Variants in LCOR observed in about 807,000 individuals in gnomAD.
LCOR encodes ligand-dependent corepressor.
A neutral mutation model predicts 64.4 loss-of-function variants in LCOR; 14 were observed. That is an observed-to-expected ratio of 0.22 (90% CI 0.14 to 0.34). LCOR has a LOEUF of 0.34. Ranked by LOEUF, LCOR falls within the 10% of genes least tolerant of loss-of-function variation. The probability of loss-of-function intolerance (pLI) is 1.00; values close to 1 mark genes in which losing one functional copy is unlikely to be tolerated. For synonymous variants in LCOR, 643 were observed against 642.5 expected (o/e 1.00, Z -0.01); for missense variants, 1,686 against 1,765.3 (o/e 0.96, Z 0.80).
In LCOR at chr10:96,981,672, G is replaced by T. The variant is rs940202054; in HGVS notation, c.1212G>T (p.Val404=). Reference sequence around the variant, plus strand: ...TTCACTCTCTGGGAAGAAATAAGGTGGGTTACCATTTACATCCCAGTGATA... The same window carrying T: ...TTCACTCTCTGGGAAGAAATAAGGTTGGTTACCATTTACATCCCAGTGATA... ...NHLHSLGRNK[V]GYHLHPSDKG... The change falls in exon 8 of 8, where the codon GTG becomes GTT. Residue 404 remains valine, a synonymous_variant. Transcript: ENST00000421806. 1 of 1,614,186 alleles carries T rather than the reference G, an allele frequency of 6.2e-7. No individual in the cohort carries two copies.
chr10:96,908,723 C>CTT (rs35691585), intron 4 of LCOR, among the ~76,000 whole-genome samples: 113 of 148,218 alleles, frequency 7.6e-4, no homozygotes, highest in Admixed American at 2.3e-3. Flanking sequence ...CGTATACACT[C>CTT]TTTTTTTTTT....
intron 7 of LCOR, chr10:96,962,068 T>C (rs1202782797): frequency 6.6e-6 from 1 of 152,124 alleles, no homozygotes; most frequent in Non-Finnish European, 1.5e-5. Flanking sequence ...AGTTTTTGGA[T>C]GATTATTTAA....
intron 7 of LCOR, chr10:96,964,515 T>G (rs1589687062): frequency 1.3e-5 from 2 of 152,292 alleles, no homozygotes; most frequent in East Asian, 3.9e-4. Flanking sequence ...AAAGTTGGAT[T>G]GTACTCCAAC....
In LCOR at chr10:96,984,528, C is replaced by A; in HGVS notation, c.4068C>A (p.Ser1356=). ...RKSVCINPLM[S]PKLALQVDAD... Reference sequence around the variant, plus strand: ...GCGTATGCATCAACCCTCTGATGTCCCCCAAGCTTGCCCTGCAAGTGGATG... The same window carrying A: ...GCGTATGCATCAACCCTCTGATGTCACCCAAGCTTGCCCTGCAAGTGGATG... Residue 1356 remains serine (S), a synonymous_variant, in exon 8 of 8, where the codon TCC becomes TCA. Coordinates refer to ENST00000421806, the MANE Select transcript of LCOR (RefSeq NM_001346516.2). 2.5e-6 allele frequency: 4 copies of A among 1,614,186 alleles called. No individual in the cohort carries two copies. Among genetic ancestry groups the A allele is most frequent in the African/African-American group, 1.3e-5 (1 of 75,042 alleles).
chr10:96,868,904 G>A (rs1846023690), intron 2 of LCOR, among the ~76,000 whole-genome samples: 1 of 151,954 alleles, frequency 6.6e-6, no homozygotes, highest in African/African-American at 2.4e-5. Flanking sequence ...TTAATTGTTG[G>A]TTTTTGTTGT....
chr10:96,951,623 A>G (rs1847680861), intron 6 of LCOR, among the ~76,000 whole-genome samples: 1 of 152,074 alleles, frequency 6.6e-6, no homozygotes. Flanking sequence ...AATAATTTTT[A>G]TATCTTATTT....
At chr10:96,936,402 G>T (rs1847351426) in intron 4 of LCOR, among the ~76,000 whole-genome samples, 1 of 152,156 alleles carries the variant, frequency 6.6e-6, no homozygotes, top group Non-Finnish European at 1.5e-5. Flanking sequence ...AGAGCAGAAA[G>T]AAATGAAGTA....
At chr10:96,870,041 G>GT (rs1379725748) in intron 2 of LCOR, among the ~76,000 whole-genome samples, 1 of 151,476 alleles carries the variant, frequency 6.6e-6, no homozygotes, top group East Asian at 1.9e-4. Context: ...TAAGTTCTTT[G>GT]TTTGTTGTTG....
intron 2 of LCOR, among the ~76,000 whole-genome samples, chr10:96,888,011 G>A (rs1846373271): frequency 6.6e-6 from 1 of 151,454 alleles, no homozygotes; most frequent in African/African-American, 2.4e-5. Flanking sequence ...ATTTTACTTG[G>A]AAGAATATCT....
intron 4 of LCOR, among the ~76,000 whole-genome samples, chr10:96,926,127 C>G (rs958045106): frequency 2.6e-5 from 4 of 152,134 alleles, no homozygotes; most frequent in Non-Finnish European, 5.9e-5. Flanking sequence ...CTAAAGAGAT[C>G]TGGTTCCTTT....
intron 2 of LCOR, among the ~76,000 whole-genome samples, chr10:96,882,272 G>GT: frequency 6.6e-6 from 1 of 152,154 alleles, no homozygotes; most frequent in Non-Finnish European, 1.5e-5. Flanking sequence ...TCATTCAACT[G>GT]TAGCATATGT....
At chr10:96,862,860 A>G (rs923739546) in intron 2 of LCOR, among the ~76,000 whole-genome samples, 7 of 151,714 alleles carry the variant, frequency 4.6e-5, no homozygotes, top group African/African-American at 1.7e-4. Context: ...AAGTTTAGTA[A>G]TATGTTTTCT....
intron 2 of LCOR, among the ~76,000 whole-genome samples, chr10:96,851,338 A>G (rs1017936094): frequency 9.2e-5 from 14 of 152,092 alleles, no homozygotes; most frequent in Admixed American, 7.2e-4. Context: ...ATGAAGAGTA[A>G]ATAAAATAAG....
chr10:96,940,047 TCATTAGTCAATTAGAAAAATACAAA>T (rs1477122056), intron 4 of LCOR, among the ~76,000 whole-genome samples: 3 of 152,216 alleles, frequency 2.0e-5, no homozygotes, highest in Non-Finnish European at 4.4e-5. Flanking sequence ...ATGCTCAACA[TCATTAGTCAATTAGAAAAATACAAA>T]CCTTAAACCA....
intron 2 of LCOR, among the ~76,000 whole-genome samples, chr10:96,834,837 G>T (rs1845414276): frequency 6.6e-6 from 1 of 152,078 alleles, no homozygotes; most frequent in Admixed American, 6.6e-5. Context: ...CATTTTTTCA[G>T]TCATTGCTAG....
At chr10:96,836,681 TGAA>T (rs1449434325) in intron 2 of LCOR, among the ~76,000 whole-genome samples, 2 of 152,146 alleles carry the variant, frequency 1.3e-5, no homozygotes, top group Non-Finnish European at 2.9e-5. Context: ...GACGATTTCG[TGAA>T]GAAGGTGGTG....
chr10:96,901,118 G>A (rs2134445958), intron 2 of LCOR, among the ~76,000 whole-genome samples: 1 of 152,096 alleles, frequency 6.6e-6, no homozygotes, highest in South Asian at 2.1e-4. Flanking sequence ...GAACCCGGGA[G>A]GCGGAGCTTG....
Position 96,995,465 on chromosome 10 carries a change from CTG to C in LCOR, c.*10335_*10336del, listed in dbSNP as rs891170566. The C allele has an allele frequency of 7.9e-5, 12 of 152,302 alleles. No homozygotes were observed. Among genetic ancestry groups the C allele is most frequent in the African/African-American group, 2.4e-5 (1 of 41,572 alleles). The allele number at this position is 152,302 out of a possible 1,614,324, so 9.4% of individuals were successfully genotyped here. A position where few individuals can be genotyped will look rare whatever the true frequency, so the allele number is the denominator to read the frequency against. ...CTATGTTAGTGAGTGTAGGAATATA[CTG>C]TGTCTTTAATGGATGAAAATTCAAT... On this transcript the variant is annotated 3_prime_UTR_variant, in exon 8 of 8. Coordinates refer to ENST00000421806, the MANE Select transcript of LCOR (RefSeq NM_001346516.2). This position sits in a 1 kb window ranked among gnomAD's most constrained non-coding sequence, Gnocchi z 4.2.
At chr10:96,942,337 G>T (rs1847504645) in intron 4 of LCOR, among the ~76,000 whole-genome samples, 1 of 152,144 alleles carries the variant, frequency 6.6e-6, no homozygotes, top group African/African-American at 2.4e-5. Context: ...CAGGCACTCG[G>T]CAGGCTGAGG....
Sources: allele counts gnomAD v4.1 joint callset (sites outside exome capture counted in the v4.1 genomes callset), GRCh38; gene constraint gnomAD v4.1.1; non-coding constraint Gnocchi (gnomAD v3.1); transcripts MANE v1.5; gene names NCBI Gene and HGNC (gene_info 2026-07-23, HGNC 2026-07-21).